SEC14L4: variants seen among roughly 807,000 people sequenced by gnomAD.
SEC14L4 encodes SEC14-like protein 4.
Under a neutral mutation model 55.1 loss-of-function variants are expected in SEC14L4, and 42 were observed. That is an observed-to-expected ratio of 0.76 (90% CI 0.60 to 0.99). SEC14L4 has a LOEUF of 0.99. Among genes scored for constraint, SEC14L4 ranks in the 50% least tolerant of loss-of-function variants. The pLI, the probability that SEC14L4 is intolerant of heterozygous loss-of-function variation, is 0.00. For synonymous variants in SEC14L4, 206 were observed against 206.8 expected (o/e 1.00, Z 0.03); for missense variants, 445 against 512.1 (o/e 0.87, Z 1.27).
chr22:30,492,516 A>G lies in SEC14L4; in HGVS notation c.622T>C (p.Phe208Leu), dbSNP rs1157395326. The G allele has an allele frequency of 6.2e-7, 1 of 1,614,032 alleles. No homozygotes were observed. The highest frequency in any genetic ancestry group is 8.5e-7 in the Non-Finnish European group (1 of 1,179,928). Residue 208 changes from phenylalanine (F) to leucine (L), a missense_variant, in exon 8 of 12, where the codon TTC becomes CTC. Transcript: ENST00000255858. The part of the protein sequence containing the change: ...FPVAFNLVKS[F>L]MSEETRRKIV... ...TTCCTGCGTGTCTCCTCACTCATGA[A>G]CGACTTGACCAAGTTGAAGGCCACG...
intron 11 of SEC14L4, among the ~76,000 whole-genome samples, chr22:30,490,769 T>C (rs1364932963): frequency 6.6e-6 from 1 of 151,950 alleles, no homozygotes; most frequent in Non-Finnish European, 1.5e-5. Context: ...CTTGGAGAGG[T>C]GATATGATCT....
Position 30,503,686 on chromosome 22 carries a change from A to G in SEC14L4, c.121T>C (p.Trp41Arg). 1.9e-6 allele frequency: 3 copies of G among 1,600,372 alleles called. No homozygotes were observed. In the South Asian group the frequency reaches 3.3e-5, roughly 18 times the overall value. The change falls in exon 2 of 12, where the codon TGG becomes CGG. Residue 41 changes from tryptophan to arginine, a missense_variant. Physicochemically the swap from Trp to Arg is moderately radical, Grantham distance 101. Coordinates refer to ENST00000255858, the MANE Select transcript of SEC14L4 (RefSeq NM_174977.4). ...CCCCTGCAAGCCTCACCTCGCAGCC[A>G]GCGCAGGAGGAAGTAGTCATCAGCA... ...PNADDYFLLR[W>R]LRARNFDLQK...
intron 3 of SEC14L4, 90 bp downstream of exon 3, chr22:30,495,838 T>C: frequency 1.3e-6 from 2 of 1,590,342 alleles, no homozygotes; most frequent in Non-Finnish European, 8.6e-7. Context: ...AACAGGAGAA[T>C]GGGACAGGGC....
intron 6 of SEC14L4, among the ~76,000 whole-genome samples, chr22:30,494,535 T>A (rs528743935): frequency 6.6e-6 from 1 of 152,232 alleles, no homozygotes; most frequent in East Asian, 1.9e-4. Flanking sequence ...ACTGGGCTAA[T>A]GTAAAAATTA....
At position 30,495,881 on chromosome 22, in the gene SEC14L4, G is replaced by C. The variant is rs1266605864; in HGVS notation, c.174+47C>G. On this transcript the variant is annotated intron_variant, in intron 3 of 11. Coordinates refer to ENST00000255858, the MANE Select transcript of SEC14L4 (RefSeq NM_174977.4). ...TCTACCCTTTTGCAGCAAATCCCTG[G>C]GTCACAGTGCATGGAAGGCAGGGCA... 2.5e-6 allele frequency: 4 copies of C among 1,599,562 alleles called. No individual in the cohort carries two copies. The African/African-American group carries it at 5.4e-5, about 21-fold the overall frequency.
rs1268638129 is a variant in SEC14L4 at position 30,489,772 on chromosome 22, T to C, written c.*335A>G. The C allele has an allele frequency of 2.4e-6, 3 of 1,272,696 alleles. No homozygotes were observed. The highest frequency in any genetic ancestry group is 3.4e-6 in the Non-Finnish European group (3 of 892,676). The allele number at this position is 1,272,696 out of a possible 1,614,324, so 78.8% of individuals were successfully genotyped here. A position where few individuals can be genotyped will look rare whatever the true frequency, so the allele number is the denominator to read the frequency against. ...TGGAACACCAGGCATGGGTGAGTCC[T>C]GGGTGGCTGGATCTTGTCAAGATGG... On this transcript the variant is annotated 3_prime_UTR_variant, in exon 12 of 12. Coordinates refer to ENST00000255858, the MANE Select transcript of SEC14L4 (RefSeq NM_174977.4).
chr22:30,492,857 G>A, intron 7 of SEC14L4: 1 of 320,532 alleles, frequency 3.1e-6, no homozygotes, highest in South Asian at 3.5e-5. Context: ...GCTGAGGTAG[G>A]CAGATCACTT....
intron 1 of SEC14L4, among the ~76,000 whole-genome samples, chr22:30,505,004 C>T (rs977121529): frequency 2.0e-5 from 3 of 151,828 alleles, no homozygotes; most frequent in Non-Finnish European, 4.4e-5. Context: ...TGGTGGCGGG[C>T]ACCTGTAGCC....
At chr22:30,494,118 T>A in intron 7 of SEC14L4, 32 bp downstream of exon 7, 1 of 1,550,912 alleles carries the variant, frequency 6.4e-7, no homozygotes, top group South Asian at 1.1e-5. Context: ...TGCTTCTCCC[T>A]CCCCAGGAGG....
chr22:30,495,016 G>A, intron 5 of SEC14L4, 55 bp from the exon 6 acceptor site: 1 of 1,497,276 alleles, frequency 6.7e-7, no homozygotes. Flanking sequence ...GGAGATCCTG[G>A]CCAGAGAGAC....
Position 30,495,502 on chromosome 22 carries a change from T to C in SEC14L4, c.235-60A>G, listed in dbSNP as rs556919382. 1.3e-4 allele frequency: 203 copies of C among 1,607,578 alleles called. 3 individuals are homozygous for C. In the African/African-American group the frequency reaches 2.0e-3, roughly 16 times the overall value. On this transcript the variant is annotated intron_variant, in intron 4 of 11. Transcript: ENST00000255858. ...CTCACCAGGCTGGGTCCCTACTCCA[T>C]CAGGTGGCTGGACGTGGTAGGTGGG...
At chr22:30,502,997 T>A (rs1251859254) in intron 2 of SEC14L4, among the ~76,000 whole-genome samples, 1 of 152,244 alleles carries the variant, frequency 6.6e-6, no homozygotes, top group Non-Finnish European at 1.5e-5. Flanking sequence ...CAGAGCCCTG[T>A]CCTCGGGGAA....
In SEC14L4 at chr22:30,490,251, A is replaced by C. The variant is rs1053076284; in HGVS notation, c.1082-5T>G. 3 of 1,612,340 alleles carry C rather than the reference A, an allele frequency of 1.9e-6. No individual in the cohort carries two copies. Among genetic ancestry groups the C allele is most frequent in the Admixed American group, 3.3e-5 (2 of 59,998 alleles). On this transcript the variant is annotated splice_region_variant and splice_polypyrimidine_tract_variant and intron_variant, in intron 11 of 11. Coordinates refer to ENST00000255858, the MANE Select transcript of SEC14L4 (RefSeq NM_174977.4). ...TGTTGTCGAAGCGCAGGACATCTGC[A>C]GTGATGGAGAGGTGATCAGGGAGCA...
At position 30,503,749 on chromosome 22, in the gene SEC14L4, G is replaced by T; in HGVS notation, c.58C>A (p.Arg20=). The T allele has an allele frequency of 6.2e-7, 1 of 1,611,106 alleles. No homozygotes were observed. The highest frequency in any genetic ancestry group is 8.5e-7 in the Non-Finnish European group (1 of 1,178,172). The stretch of plus-strand genomic sequence containing the variant: ...GGCAGCAGGTCCTGGAGGTTCTCCC[G>T]GAACTGAGCGGAGGAGGATCTGATG... ...PQQQEALARF[R]ENLQDLLPIL... is the part of the protein sequence containing the mutation. Residue 20 remains arginine (R), a synonymous_variant, in exon 2 of 12, where the codon CGG becomes AGG. Transcript: ENST00000255858.
Position 30,489,749 on chromosome 22 carries a change from G to C in SEC14L4, c.*358C>G. 8.0e-6 allele frequency: 8 copies of C among 1,005,618 alleles called. No homozygotes were observed. Among genetic ancestry groups the C allele is most frequent in the Non-Finnish European group, 1.2e-5 (8 of 651,194 alleles). 62.3% of individuals were successfully genotyped at this position (1,005,618 alleles called of 1,614,324 possible). On this transcript the variant is annotated 3_prime_UTR_variant, in exon 12 of 12. Coordinates refer to ENST00000255858, the MANE Select transcript of SEC14L4 (RefSeq NM_174977.4). ...GAACCACGCACACCCCCTGAAGCTG[G>C]AACACCAGGCATGGGTGAGTCCTGG...
intron 2 of SEC14L4, among the ~76,000 whole-genome samples, chr22:30,496,422 C>A (rs1275399668): frequency 6.6e-6 from 1 of 152,140 alleles, no homozygotes; most frequent in Non-Finnish European, 1.5e-5. Context: ...CTGTGCCTGA[C>A]CTAGAAATGT....
intron 7 of SEC14L4, among the ~76,000 whole-genome samples, chr22:30,493,096 A>G (rs1569241777): frequency 2.0e-5 from 3 of 151,980 alleles, no homozygotes; most frequent in Non-Finnish European, 2.9e-5. Context: ...AAAAAAAAAA[A>G]AAAAAGAAAA....
chr22:30,492,517 C>G lies in SEC14L4; in HGVS notation c.621G>C (p.Ser207=), dbSNP rs80195879. 6.2e-7 allele frequency: 1 copy of G among 1,613,868 alleles called. No homozygotes were observed. Among genetic ancestry groups the G allele is most frequent in the South Asian group, 1.1e-5 (1 of 91,080 alleles). The change falls in exon 8 of 12, where the codon TCG becomes TCC. Residue 207 remains serine (S), a synonymous_variant. Transcript: ENST00000255858. ...LFPVAFNLVK[S]FMSEETRRKI... ...TCCTGCGTGTCTCCTCACTCATGAA[C>G]GACTTGACCAAGTTGAAGGCCACGG...
chr22:30,492,393 G>T, intron 8 of SEC14L4, 81 bp downstream of exon 8: 1 of 1,359,260 alleles, frequency 7.4e-7, no homozygotes, highest in Non-Finnish European at 1.0e-6. Context: ...AGTAGAGGAC[G>T]AGCCAGGGAG....
Sources: allele counts gnomAD v4.1 joint callset (sites outside exome capture counted in the v4.1 genomes callset), GRCh38; gene constraint gnomAD v4.1.1; transcripts MANE v1.5; gene names NCBI Gene and HGNC (gene_info 2026-07-23, HGNC 2026-07-21).